Variants in LUC7L2 observed in about 807,000 individuals in gnomAD.
LUC7L2 encodes putative RNA-binding protein Luc7-like 2.
A neutral mutation model predicts 52.8 loss-of-function variants in LUC7L2; 25 were observed. That is an observed-to-expected ratio of 0.47 (90% CI 0.34 to 0.66). The LOEUF is 0.66. LUC7L2 is among the 30% of genes least tolerant of loss of function. LUC7L2 has a pLI of 0.01. For synonymous variants in LUC7L2, 144 were observed against 160.9 expected (o/e 0.89, Z 0.80); for missense variants, 328 against 497.8 (o/e 0.66, Z 3.25).
intron 3 of LUC7L2, among the ~76,000 whole-genome samples, chr7:139,399,807 C>A (rs1794826323): frequency 6.6e-6 from 1 of 150,958 alleles, no homozygotes; most frequent in Non-Finnish European, 1.5e-5. Flanking sequence ...TAATGAAAAA[C>A]CAAGAAATGG....
upstream of LUC7L2, among the ~76,000 whole-genome samples, chr7:139,357,688 C>G (rs1386464683): frequency 6.8e-6 from 1 of 146,876 alleles, no homozygotes; most frequent in African/African-American, 2.6e-5. Flanking sequence ...TAACTTGATT[C>G]AAAATAATTT....
intron 1 of LUC7L2, among the ~76,000 whole-genome samples, chr7:139,368,778 A>G (rs975727579): frequency 2.6e-5 from 4 of 151,834 alleles, no homozygotes; most frequent in African/African-American, 9.7e-5. Context: ...AGCATTACAA[A>G]TAAAGTCTTT....
At chr7:139,351,769 A>C (rs996203283) in intron 1 of LUC7L2, among the ~76,000 whole-genome samples, 1 of 152,196 alleles carries the variant, frequency 6.6e-6, no homozygotes, top group African/African-American at 2.4e-5. Flanking sequence ...TCTTCTTCCA[A>C]TCATACTCCC....
intron 2 of LUC7L2, among the ~76,000 whole-genome samples, chr7:139,378,181 GC>G (rs1800815397): frequency 1.3e-5 from 2 of 152,038 alleles, no homozygotes; most frequent in Admixed American, 1.3e-4. Context: ...GTGCTATGCT[GC>G]ATCTGAAATC....
intron 1 of LUC7L2, among the ~76,000 whole-genome samples, chr7:139,366,229 GT>G (rs1479787445): frequency 6.6e-6 from 1 of 152,194 alleles, no homozygotes; most frequent in Non-Finnish European, 1.5e-5. Context: ...TGTGAACCAT[GT>G]ACAACTGATG....
intron 8 of LUC7L2, among the ~76,000 whole-genome samples, chr7:139,415,288 A>G (rs1372304345): frequency 4.0e-5 from 6 of 150,966 alleles, no homozygotes; most frequent in Non-Finnish European, 8.8e-5. Flanking sequence ...ATCCCTTTCT[A>G]TAGTATAAGC....
chr7:139,347,679 CTGAA>C (rs1333453499), intron 1 of LUC7L2, among the ~76,000 whole-genome samples: 1 of 126,038 alleles, frequency 7.9e-6, no homozygotes, highest in Non-Finnish European at 1.5e-5. Flanking sequence ...ATTTATTCGA[CTGAA>C]TGTATAAAAA....
rs1242556934 is a variant in LUC7L2, at chr7:139,417,652, C to T, written c.924C>T (p.Ser308=). The change falls in exon 9 of 10, where the codon AGC becomes AGT. Residue 308 remains serine, a synonymous_variant. Transcript: ENST00000354926. The part of the protein sequence containing the change: ...EKRHRHRSRS[S]SRSRSRSHQR... ...GCCATCGCCACAGGTCCCGCTCCAG[C>T]AGCCGTAGCCGCAGCCGTAGCCACC... The T allele has an allele frequency of 6.2e-7, 1 of 1,614,034 alleles. No individual in the cohort carries two copies. Among genetic ancestry groups the T allele is most frequent in the Non-Finnish European group, 8.5e-7 (1 of 1,179,938 alleles).
At chr7:139,375,065 C>G (rs1800637559) in intron 1 of LUC7L2, 1 of 983,238 alleles carries the variant, frequency 1.0e-6, no homozygotes, top group Non-Finnish European at 1.2e-6. Context: ...AAATAAAACA[C>G]CTACATTTCT....
chr7:139,352,098 G>A (rs1409233170), intron 1 of LUC7L2, among the ~76,000 whole-genome samples: 3 of 152,180 alleles, frequency 2.0e-5, no homozygotes, highest in African/African-American at 7.2e-5. Flanking sequence ...AGGAGGCCGA[G>A]GTAGGAAGAT....
At chr7:139,362,147 G>T (rs868203467) in intron 1 of LUC7L2, among the ~76,000 whole-genome samples, 26 of 151,404 alleles carry the variant, frequency 1.7e-4, no homozygotes, top group Middle Eastern at 3.4e-3. Context: ...ATTTATGATC[G>T]AACTCATATT....
At chr7:139,402,739 G>T (rs544948038) in intron 4 of LUC7L2, among the ~76,000 whole-genome samples, 59 of 152,164 alleles carry the variant, frequency 3.9e-4, no homozygotes, top group Middle Eastern at 3.4e-3. Flanking sequence ...GGCCAGGCTG[G>T]TCTCAAACTT....
In LUC7L2 at chr7:139,382,714, G is replaced by A. The variant is rs79412021; in HGVS notation, c.156+6558G>A. Among the ~76,000 whole-genome samples the A allele has an allele frequency of 8.2e-3, 1,243 of 152,258 alleles. 24 individuals carry two copies. The highest frequency in any genetic ancestry group is 0.029 in the African/African-American group (1,192 of 41,550). On this transcript the variant is annotated intron_variant, in intron 2 of 9. Transcript: ENST00000354926. ...AACCTAAAGTAATTAAAGTAAAAATGTATTTGCTTATTTGAAGTGATTAGA... is the reference window on the plus strand; with the variant it reads ...AACCTAAAGTAATTAAAGTAAAAATATATTTGCTTATTTGAAGTGATTAGA...
At chr7:139,412,390 C>T (rs1180540423) in intron 7 of LUC7L2, among the ~76,000 whole-genome samples, 161 bp from the exon 8 acceptor site, 1 of 151,968 alleles carries the variant, frequency 6.6e-6, no homozygotes, top group Non-Finnish European at 1.5e-5. Context: ...AGAAATCTGT[C>T]GAGTTTGTGG....
At chr7:139,351,190 A>T (rs1189388464) in intron 1 of LUC7L2, among the ~76,000 whole-genome samples, 3 of 152,146 alleles carry the variant, frequency 2.0e-5, no homozygotes, top group Admixed American at 6.5e-5. Flanking sequence ...GAAGACCTGT[A>T]TGTCCAACGG....
At position 139,405,624 on chromosome 7, in the gene LUC7L2, T is replaced by C; in HGVS notation, c.367-20T>C. The C allele has an allele frequency of 6.4e-7, 1 of 1,573,632 alleles. No individual in the cohort carries two copies. The highest frequency in any genetic ancestry group is 1.2e-5 in the South Asian group (1 of 83,752). ...TCATTCTCTTGTTTATTCATGATCT[T>C]CTTTTTTATTTCTTTTTAGGCAGAA... On this transcript the variant is annotated intron_variant, in intron 4 of 9. Coordinates refer to ENST00000354926, the MANE Select transcript of LUC7L2 (RefSeq NM_016019.5).
At chr7:139,347,942 C>T (rs553597877) in intron 1 of LUC7L2, among the ~76,000 whole-genome samples, 4 of 152,192 alleles carry the variant, frequency 2.6e-5, no homozygotes, top group South Asian at 4.2e-4. Flanking sequence ...CTCAAGTGAT[C>T]GCCCGCCTGG....
At chr7:139,420,710 A>G (rs1047550524) in intron 9 of LUC7L2, among the ~76,000 whole-genome samples, 3 of 152,142 alleles carry the variant, frequency 2.0e-5, no homozygotes, top group Admixed American at 6.5e-5. Context: ...CTTTTTAGGT[A>G]TCATTTTTAC....
In LUC7L2 at chr7:139,402,257, T is replaced by C. The variant is rs754789771; in HGVS notation, c.366+10T>C. ...TGAAGTAGCAGCAAAGGTAAGAATT[T>C]TAATCATTTCATTAGTACAAAGTAT... On this transcript the variant is annotated intron_variant, in intron 4 of 9. Coordinates refer to ENST00000354926, the MANE Select transcript of LUC7L2 (RefSeq NM_016019.5). 6 of 1,583,374 alleles carry C rather than the reference T, an allele frequency of 3.8e-6. No individual in the cohort carries two copies. The highest frequency in any genetic ancestry group is 5.1e-6 in the Non-Finnish European group (6 of 1,169,634).
Sources: allele counts gnomAD v4.1 joint callset (sites outside exome capture counted in the v4.1 genomes callset), GRCh38; gene constraint gnomAD v4.1.1; transcripts MANE v1.5; gene names NCBI Gene and HGNC (gene_info 2026-07-23, HGNC 2026-07-21).